The following CSRNP3 variants were observed in gnomAD, a reference collection of about 807,000 sequenced individuals.
The protein encoded by CSRNP3 is cysteine and serine rich nuclear protein 3.
CSRNP3 carries 12 observed loss-of-function variants against 48.0 expected under a neutral mutation model. The observed-to-expected ratio is 0.25, with a 90% confidence interval of 0.16 to 0.41. The LOEUF (loss-of-function observed/expected upper bound fraction) is 0.41, where lower values mean the gene tolerates loss of function less well. Ranked by LOEUF, CSRNP3 falls within the 10% of genes least tolerant of loss-of-function variation. The pLI is 1.00. For synonymous variants in CSRNP3, 263 were observed against 269.7 expected, an observed-to-expected ratio of 0.98 and a Z score of 0.24; for missense variants, 580 against 724.4, an observed-to-expected ratio of 0.80 and a Z score of 2.29.
At chr2:165,508,016 T>TG (rs1034831466) in intron 2 of CSRNP3, among the ~76,000 whole-genome samples, 1 of 151,926 alleles carries the variant, frequency 6.6e-6, no homozygotes, top group Admixed American at 6.6e-5. Context: ...TTAAGGTAGG[T>TG]GCCATCGACT....
At position 165,688,266 on chromosome 2, in the gene CSRNP3, T is replaced by C. The variant is rs1687663175; in HGVS notation, c.*8513T>C. 6.6e-6 allele frequency: 1 copy of C among 152,108 alleles called. No individual in the cohort carries two copies. Among genetic ancestry groups the C allele is most frequent in the Admixed American group, 6.6e-5 (1 of 15,232 alleles). 9.4% of individuals were successfully genotyped at this position (152,108 alleles called of 1,614,324 possible). Reference sequence around the variant, plus strand: ...AAAATAAACCTGTAGATTACAGCTCTGTTCCTAAGAACCTCAGCCTTTATT... The same window carrying C: ...AAAATAAACCTGTAGATTACAGCTCCGTTCCTAAGAACCTCAGCCTTTATT... On this transcript the variant is annotated 3_prime_UTR_variant, in exon 7 of 7. Transcript: ENST00000651982.
At chr2:165,477,019 A>G (rs754143042) in intron 1 of CSRNP3, among the ~76,000 whole-genome samples, 6 of 152,110 alleles carry the variant, frequency 3.9e-5, no homozygotes, top group Non-Finnish European at 5.9e-5. Flanking sequence ...CTTTTTTTCC[A>G]TATTAACTAC....
chr2:165,568,872 T>C (rs988050466), intron 3 of CSRNP3, among the ~76,000 whole-genome samples: 1 of 152,020 alleles, frequency 6.6e-6, no homozygotes, highest in Non-Finnish European at 1.5e-5. Context: ...TGACATTTGA[T>C]AAATTATTTT....
chr2:165,583,045 C>G (rs1032384680), intron 3 of CSRNP3, among the ~76,000 whole-genome samples: 1 of 152,198 alleles, frequency 6.6e-6, no homozygotes, highest in African/African-American at 2.4e-5. Flanking sequence ...CCAACTTGTG[C>G]TTCTCACATT....
intron 5 of CSRNP3, among the ~76,000 whole-genome samples, chr2:165,665,178 C>T (rs569818543): frequency 6.6e-6 from 1 of 152,212 alleles, no homozygotes; most frequent in South Asian, 2.1e-4. Context: ...AGGAGAAGCA[C>T]CCCACCATGA....
Position 165,642,576 on chromosome 2 carries a change from T to A in CSRNP3, c.149-15185T>A, listed in dbSNP as rs1686740913. Among the ~76,000 whole-genome samples, 3 of 152,206 alleles carry A rather than the reference T, an allele frequency of 2.0e-5. No individual in the cohort carries two copies. The South Asian group carries it at 6.2e-4, about 32-fold the overall frequency. On this transcript the variant is annotated intron_variant, in intron 4 of 6. Transcript: ENST00000651982. The stretch of plus-strand genomic sequence containing the variant: ...TTATGCATATTCTTTTTTTTTTTTT[T>A]TTGAGATTTAGTTTTGCTCTTTGTT...
At chr2:165,513,358 G>C (rs988886169) in intron 2 of CSRNP3, among the ~76,000 whole-genome samples, 1 of 152,110 alleles carries the variant, frequency 6.6e-6, no homozygotes, top group Non-Finnish European at 1.5e-5. Context: ...TGTGTTCATA[G>C]ACCATCATTC....
At chr2:165,470,878 A>T (rs1683884961) in intron 1 of CSRNP3, among the ~76,000 whole-genome samples, 1 of 152,044 alleles carries the variant, frequency 6.6e-6, no homozygotes, top group Admixed American at 6.6e-5. Flanking sequence ...CAATGAGGTA[A>T]ATAATTTGTT....
intron 2 of CSRNP3, among the ~76,000 whole-genome samples, chr2:165,510,116 CAGTT>C (rs1437920012): frequency 6.6e-6 from 1 of 152,102 alleles, no homozygotes; most frequent in Non-Finnish European, 1.5e-5. Flanking sequence ...TCACGTTAGT[CAGTT>C]GGTTGAGATA....
At chr2:165,626,628 A>G (rs1395929313) in intron 4 of CSRNP3, among the ~76,000 whole-genome samples, 1 of 152,180 alleles carries the variant, frequency 6.6e-6, no homozygotes, top group Non-Finnish European at 1.5e-5. Context: ...GCCACTCTCC[A>G]AGCAGGTCAG....
At chr2:165,635,436 C>CTAA (rs1323330945) in intron 4 of CSRNP3, among the ~76,000 whole-genome samples, 2 of 152,064 alleles carry the variant, frequency 1.3e-5, no homozygotes, top group Non-Finnish European at 2.9e-5. Flanking sequence ...AAACCCTTAC[C>CTAA]CTCCTTCCCA....
intron 3 of CSRNP3, among the ~76,000 whole-genome samples, chr2:165,555,383 T>C (rs1028929787): frequency 3.3e-5 from 5 of 152,222 alleles, no homozygotes; most frequent in African/African-American, 4.8e-5. Context: ...GCTTTCATTT[T>C]ACAGATGAGG....
At chr2:165,515,799 T>G (rs1305068071) in intron 2 of CSRNP3, among the ~76,000 whole-genome samples, 1 of 132,632 alleles carries the variant, frequency 7.5e-6, no homozygotes, top group East Asian at 2.4e-4. Flanking sequence ...TTCTTTTCCT[T>G]TCTTTTTTTT....
chr2:165,545,655 T>A (rs974379479), intron 3 of CSRNP3, among the ~76,000 whole-genome samples: 5 of 152,282 alleles, frequency 3.3e-5, no homozygotes, highest in African/African-American at 1.2e-4. Context: ...CTGTCTTATT[T>A]ACTCTGTGTA....
chr2:165,651,243 C>T (rs1686897770), intron 4 of CSRNP3, among the ~76,000 whole-genome samples: 1 of 152,122 alleles, frequency 6.6e-6, no homozygotes, highest in African/African-American at 2.4e-5. Flanking sequence ...AATCAGAAAG[C>T]AAATTTGATT....
chr2:165,602,450 A>T (rs1238473506), intron 4 of CSRNP3, among the ~76,000 whole-genome samples: 1 of 152,218 alleles, frequency 6.6e-6, no homozygotes, highest in Non-Finnish European at 1.5e-5. Flanking sequence ...ATGTAGAAAC[A>T]TGCAGATCAT....
chr2:165,681,726 C>CATATACATATATAT lies in CSRNP3; in HGVS notation c.*1978_*1979insCATATATATATATA, dbSNP rs1687542141. 1.1e-5 allele frequency: 1 copy of CATATACATATATAT among 93,656 alleles called. No individual in the cohort carries two copies. The highest frequency in any genetic ancestry group is 1.9e-5 in the Non-Finnish European group (1 of 51,526). The allele number at this position is 93,656 out of a possible 1,614,324, so 5.8% of individuals were successfully genotyped here. On this transcript the variant is annotated 3_prime_UTR_variant, in exon 7 of 7. Coordinates refer to ENST00000651982, the MANE Select transcript of CSRNP3 (RefSeq NM_001172173.2). ...AGGATTTGTTGAAATCTCAAATATA[C>CATATACATATATAT]ATATATATATATATATATATATATA...
intron 4 of CSRNP3, among the ~76,000 whole-genome samples, chr2:165,615,593 A>G (rs935819791): frequency 2.6e-5 from 4 of 151,792 alleles, no homozygotes; most frequent in African/African-American, 9.7e-5. Flanking sequence ...TGCTGAATCA[A>G]TCCCTTAATT....
chr2:165,502,284 A>C (rs748275298), intron 2 of CSRNP3, among the ~76,000 whole-genome samples: 29 of 152,008 alleles, frequency 1.9e-4, no homozygotes, highest in Non-Finnish European at 3.2e-4. Flanking sequence ...AATGTTTATA[A>C]AATCTTAAAT....
Sources: allele counts gnomAD v4.1 joint callset (sites outside exome capture counted in the v4.1 genomes callset), GRCh38; gene constraint gnomAD v4.1.1; transcripts MANE v1.5; gene names NCBI Gene and HGNC (gene_info 2026-07-23, HGNC 2026-07-21).